USP34: variants seen among roughly 807,000 people sequenced by gnomAD.
The protein encoded by USP34 is ubiquitin specific peptidase 34.
In USP34, 70 loss-of-function variants were observed where a neutral mutation model predicts 460.3. The observed-to-expected ratio is 0.15, with a 90% CI of 0.13 to 0.19. The LOEUF is 0.19. Ranked by LOEUF, USP34 falls within the 10% of genes least tolerant of loss-of-function variation. USP34 has a pLI of 1.00. For synonymous variants in USP34, 1,647 were observed against 1,405.3 expected (o/e 1.17, Z -3.85); for missense variants, 3,985 against 4,236.2 (o/e 0.94, Z 1.65).
At chr2:61,223,579 T>C (rs1687650006) in intron 62 of USP34, 1 of 286,418 alleles carries the variant, frequency 3.5e-6, no homozygotes, top group African/African-American at 2.2e-5. Context: ...CTTACTTTTT[T>C]TTTTTTTTGA....
Position 61,223,264 on chromosome 2 carries a change from G to C in USP34, c.7628C>G (p.Ala2543Gly). Reference sequence around the variant, plus strand: ...ATGTACTACCTTTCCTCCTGTTAATGCTGCCATGTCAGTCTGTGATAATGT... The same window carrying C: ...ATGTACTACCTTTCCTCCTGTTAATCCTGCCATGTCAGTCTGTGATAATGT... ...HLTLSQTDMA[A>G]LTGGKGFPFL... Residue 2543 changes from alanine (A) to glycine (G), a missense_variant, in exon 63 of 80, where the codon GCA (alanine) becomes GGA (glycine). Physicochemically the swap from Ala to Gly is moderately conservative, Grantham distance 60 (BLOSUM62 0). Transcript: ENST00000398571. The C allele has an allele frequency of 6.2e-7, 1 of 1,613,914 alleles. No homozygotes were observed. Among genetic ancestry groups the C allele is most frequent in the Non-Finnish European group, 8.5e-7 (1 of 1,179,924 alleles).
intron 1 of USP34, among the ~76,000 whole-genome samples, chr2:61,461,243 A>C (rs1695590470): frequency 6.6e-6 from 1 of 151,690 alleles, no homozygotes; most frequent in Non-Finnish European, 1.5e-5. Context: ...ATGCAAAAGA[A>C]TTAGCCAGGC....
intron 49 of USP34, 139 bp from the exon 50 acceptor site, chr2:61,246,616 G>A (rs928420380): frequency 1.2e-5 from 7 of 594,630 alleles, no homozygotes; most frequent in African/African-American, 3.8e-5. Context: ...CCAATGTGAC[G>A]AGTTACTTAG....
chr2:61,407,166 G>A (rs1573010860), intron 2 of USP34, among the ~76,000 whole-genome samples: 1 of 152,160 alleles, frequency 6.6e-6, no homozygotes, highest in East Asian at 1.9e-4. Flanking sequence ...TGGGAGGATC[G>A]CTTAAGTCCA....
chr2:61,220,221 TG>T, intron 67 of USP34, 88 bp downstream of exon 67: 1 of 920,564 alleles, frequency 1.1e-6, no homozygotes, highest in Non-Finnish European at 1.5e-6. Context: ...TATACAACAA[TG>T]GGCATGTCGT....
At chr2:61,414,842 T>C (rs556061184) in intron 2 of USP34, among the ~76,000 whole-genome samples, 3 of 152,238 alleles carry the variant, frequency 2.0e-5, no homozygotes, top group Admixed American at 1.3e-4. Flanking sequence ...CCATGATCAG[T>C]CTGAAGTTAC....
chr2:61,307,747 A>C (rs1690457533), intron 27 of USP34, among the ~76,000 whole-genome samples: 2 of 150,658 alleles, frequency 1.3e-5, no homozygotes, highest in Non-Finnish European at 3.0e-5. Context: ...GAAGTTTATT[A>C]GAAAGAAGGG....
At chr2:61,318,038 C>T (rs764483653) in intron 22 of USP34, among the ~76,000 whole-genome samples, 13 of 151,690 alleles carry the variant, frequency 8.6e-5, no homozygotes, top group Admixed American at 6.6e-5. Context: ...ATGAAAACTA[C>T]AAAAATCAGC....
At chr2:61,441,066 T>G (rs1417122856) in intron 1 of USP34, among the ~76,000 whole-genome samples, 1 of 150,668 alleles carries the variant, frequency 6.6e-6, no homozygotes, top group Non-Finnish European at 1.5e-5. Flanking sequence ...AGGCGGAGCT[T>G]GCAGTGAGCT....
chr2:61,375,668 C>A (rs1692771566), intron 8 of USP34, among the ~76,000 whole-genome samples: 1 of 148,072 alleles, frequency 6.8e-6, no homozygotes, highest in South Asian at 2.1e-4. Context: ...ACTCGGGAGG[C>A]TGAAGCAGGA....
Position 61,227,311 on chromosome 2 carries a change from G to T in USP34, c.7444-93C>A, listed in dbSNP as rs1042074292. On this transcript the variant is annotated intron_variant, in intron 61 of 79. Coordinates refer to ENST00000398571, the MANE Select transcript of USP34 (RefSeq NM_014709.4). The stretch of plus-strand genomic sequence containing the variant: ...TGTTTTATGTAACAGTGTAGATGGT[G>T]GCAGGAGCTTGTAACATGAAAAACA... 7.9e-6 allele frequency: 11 copies of T among 1,399,986 alleles called. No homozygotes were observed. In the Admixed American group the frequency reaches 1.2e-4, roughly 15 times the overall value. The allele number at this position is 1,399,986 out of a possible 1,614,324, so 86.7% of individuals were successfully genotyped here.
chr2:61,239,442 T>TA (rs1334191426), intron 53 of USP34, among the ~76,000 whole-genome samples: 1 of 152,174 alleles, frequency 6.6e-6, no homozygotes, highest in Admixed American at 6.5e-5. Flanking sequence ...ACAAGTGGGC[T>TA]AATTGTCATT....
chr2:61,217,649 A>G lies in USP34; in HGVS notation c.8047+2661T>C, dbSNP rs998241581. Among the ~76,000 whole-genome samples the G allele has an allele frequency of 2.0e-5, 3 of 152,326 alleles. No individual in the cohort carries two copies. The South Asian group carries it at 6.2e-4, about 32-fold the overall frequency. ...CTTACACTAGAATCGCTAAAACAGT[A>G]TTACTGACATTAAAAGGGCAAACCA... is the stretch of plus-strand genomic sequence containing the variant. On this transcript the variant is annotated intron_variant, in intron 67 of 79. Coordinates refer to ENST00000398571, the MANE Select transcript of USP34 (RefSeq NM_014709.4).
Position 61,188,026 on chromosome 2 carries a change from C to CAAAT in USP34, c.*72_*75dup. 6.5e-7 allele frequency: 1 copy of CAAAT among 1,527,574 alleles called. No homozygotes were observed. Among genetic ancestry groups the CAAAT allele is most frequent in the Non-Finnish European group, 8.8e-7 (1 of 1,140,980 alleles). 94.6% of individuals were successfully genotyped at this position (1,527,574 alleles called of 1,614,324 possible). A position where few individuals can be genotyped will look rare whatever the true frequency, so the allele number is the denominator to read the frequency against. The stretch of plus-strand genomic sequence containing the variant: ...CACTGGACAAACTGAAGCACAAAAA[C>CAAAT]AAATAAGCAAAACTTATACAAACAG... On this transcript the variant is annotated 3_prime_UTR_variant, in exon 80 of 80. Coordinates refer to ENST00000398571, the MANE Select transcript of USP34 (RefSeq NM_014709.4).
intron 57 of USP34, among the ~76,000 whole-genome samples, chr2:61,234,925 C>T (rs1355909940): frequency 6.6e-6 from 1 of 152,186 alleles, no homozygotes; most frequent in Non-Finnish European, 1.5e-5. Context: ...CGTGAGCCAC[C>T]ATGCACAGTC....
At position 61,241,823 on chromosome 2, in the gene USP34, T is replaced by A; in HGVS notation, c.6628-4A>T. 1 of 1,495,354 alleles carries A rather than the reference T, an allele frequency of 6.7e-7. No individual in the cohort carries two copies. The highest frequency in any genetic ancestry group is 9.0e-7 in the Non-Finnish European group (1 of 1,113,780). The allele number at this position is 1,495,354 out of a possible 1,614,324, so 92.6% of individuals were successfully genotyped here. The stretch of plus-strand genomic sequence containing the variant: ...TAACAGAATCATAGGTCTTGGTCTG[T>A]TTAAAAATACAAAAGTTTTACTTCT... On this transcript the variant is annotated splice_polypyrimidine_tract_variant and splice_region_variant and intron_variant, in intron 51 of 79. Transcript: ENST00000398571.
At position 61,214,483 on chromosome 2, in the gene USP34, C is replaced by G. The variant is rs1260325610; in HGVS notation, c.8259G>C (p.Val2753=). 1 of 1,613,850 alleles carries G rather than the reference C, an allele frequency of 6.2e-7. No homozygotes were observed. Among genetic ancestry groups the G allele is most frequent in the Non-Finnish European group, 8.5e-7 (1 of 1,179,986 alleles). Residue 2753 remains valine, a synonymous_variant, in exon 68 of 80, where the codon GTG becomes GTC. Coordinates refer to ENST00000398571, the MANE Select transcript of USP34 (RefSeq NM_014709.4). Reference sequence around the variant, plus strand: ...AGTAAGTCATAAAGCTAAAATAGGGCACTAGCTTTGTAGTGCCATGAACAG... The same window carrying G: ...AGTAAGTCATAAAGCTAAAATAGGGGACTAGCTTTGTAGTGCCATGAACAG... The part of the protein sequence containing the change: ...DAAVHGTTKL[V]PYFSFMTYCL...
At chr2:61,386,092 G>A (rs931919606) in intron 5 of USP34, among the ~76,000 whole-genome samples, 4 of 152,000 alleles carry the variant, frequency 2.6e-5, no homozygotes, top group Non-Finnish European at 5.9e-5. Context: ...AAGTCAGTAG[G>A]CAAAACAGCA....
chr2:61,449,360 A>G (rs561249789), intron 1 of USP34, among the ~76,000 whole-genome samples: 47 of 152,262 alleles, frequency 3.1e-4, no homozygotes, highest in South Asian at 8.3e-4. Context: ...GAGACTTAAT[A>G]TTGTTAAGAT....
Sources: gnomAD v4.1 joint callset for allele counts (sites outside exome capture counted in the v4.1 genomes callset) on GRCh38, gnomAD v4.1.1 for gene constraint, MANE v1.5 for transcripts, NCBI Gene and HGNC (gene_info 2026-07-23, HGNC 2026-07-21) for gene names.